Variants in STIM1 observed in about 807,000 individuals in gnomAD.
STIM1 encodes stromal interaction molecule 1.
Under a neutral mutation model 74.7 loss-of-function variants are expected in STIM1, and 25 were observed. The ratio of observed to expected loss-of-function variants is 0.33; its 90% CI spans 0.24 to 0.47. STIM1 has a LOEUF of 0.47. Among genes scored for constraint, STIM1 ranks in the 20% least tolerant of loss-of-function variants. The pLI is 1.00. For synonymous variants in STIM1, 328 were observed against 348.8 expected (o/e 0.94, Z 0.66); for missense variants, 728 against 920.8 (o/e 0.79, Z 2.71).
intron 7 of STIM1, among the ~76,000 whole-genome samples, chr11:4,075,010 G>A (rs1448229841): frequency 1.3e-5 from 2 of 151,952 alleles, no homozygotes; most frequent in African/African-American, 4.8e-5. Context: ...GTGTGGCGGC[G>A]GGCACCTGTA....
At chr11:3,972,383 A>C (rs12803459) in intron 2 of STIM1, among the ~76,000 whole-genome samples, 2 of 152,194 alleles carry the variant, frequency 1.3e-5, no homozygotes, top group Non-Finnish European at 2.9e-5. Context: ...CAGTACCTAG[A>C]TTCCTATATA....
At chr11:3,983,142 C>T (rs1311579981) in intron 2 of STIM1, among the ~76,000 whole-genome samples, 1 of 152,148 alleles carries the variant, frequency 6.6e-6, no homozygotes, top group Non-Finnish European at 1.5e-5. Flanking sequence ...CTGTGTTGGC[C>T]AGGCTGGTCT....
chr11:4,083,418 G>A lies in STIM1; in HGVS notation c.1394G>A (p.Arg465His), dbSNP rs375914426. Residue 465 changes from arginine (R) to histidine (H), a missense_variant, in exon 10 of 13, where the codon CGC becomes CAC. Around this residue, in one of 5 missense-constraint regions of STIM1, gnomAD observed 352 missense variants for 370.1 expected, o/e 0.95. Coordinates refer to ENST00000526596, the MANE Select transcript of STIM1 (RefSeq NM_001382567.1). ...NIDPSWMGST[R>H]PNPAHFIMTD... is the part of the protein sequence containing the mutation. ...GACCCCAGCTGGATGGGCAGTACAC[G>A]CCCCAACCCTGCTCACTTCATCATG... The A allele has an allele frequency of 2.0e-5, 32 of 1,614,092 alleles. No individual in the cohort carries two copies. Among genetic ancestry groups the A allele is most frequent in the East Asian group, 8.9e-5 (4 of 44,890 alleles).
chr11:3,947,100 G>GTTTTTTTTTTTTTTTTTTT (rs57701004), intron 1 of STIM1, among the ~76,000 whole-genome samples: 1 of 139,348 alleles, frequency 7.2e-6, no homozygotes, highest in Non-Finnish European at 1.6e-5. Flanking sequence ...CATTCTTAGT[G>GTTTTTTTTTTTTTTTTTTT]TTTTTTTTTT....
At chr11:3,950,394 A>G (rs1768109962) in intron 1 of STIM1, among the ~76,000 whole-genome samples, 1 of 152,110 alleles carries the variant, frequency 6.6e-6, no homozygotes, top group Admixed American at 6.5e-5. Flanking sequence ...GGCCTCCCAA[A>G]GTGCTGGGAT....
At chr11:3,892,277 C>T (rs964243669) in intron 1 of STIM1, 87 of 683,750 alleles carry the variant, frequency 1.3e-4, no homozygotes, top group Admixed American at 7.8e-4. Context: ...CCAAAGGGAA[C>T]TGCAGCAAGA....
At position 4,074,580 on chromosome 11, in the gene STIM1, C is replaced by T. The variant is rs1430816294; in HGVS notation, c.870C>T (p.Ile290=). 1.2e-6 allele frequency: 2 copies of T among 1,613,812 alleles called. No homozygotes were observed. The highest frequency in any genetic ancestry group is 1.7e-6 in the Non-Finnish European group (2 of 1,179,962). The change falls in exon 7 of 13, where the codon ATC becomes ATT. Residue 290 remains isoleucine, a synonymous_variant. Transcript: ENST00000526596. ...VHLEKKLRDE[I]NLAKQEAQRL... is the part of the protein sequence containing the mutation. Reference sequence around the variant, plus strand: ...TGGAAAAGAAGCTGCGCGATGAGATCAACCTTGCTAAGCAGGAAGCCCAGC... The same window carrying T: ...TGGAAAAGAAGCTGCGCGATGAGATTAACCTTGCTAAGCAGGAAGCCCAGC...
chr11:4,013,050 C>T (rs2093855032), intron 2 of STIM1, among the ~76,000 whole-genome samples: 1 of 152,146 alleles, frequency 6.6e-6, no homozygotes, highest in African/African-American at 2.4e-5. Context: ...TATGTTGAAC[C>T]AGCCTTGCAT....
intron 1 of STIM1, among the ~76,000 whole-genome samples, chr11:3,857,499 G>C (rs2090432192): frequency 6.6e-6 from 1 of 151,800 alleles, no homozygotes; most frequent in South Asian, 2.1e-4. Context: ...AAAGTGCTGG[G>C]ATTACAGGTG....
At chr11:4,009,458 C>T (rs747118794) in intron 2 of STIM1, among the ~76,000 whole-genome samples, 1 of 151,366 alleles carries the variant, frequency 6.6e-6, no homozygotes, top group East Asian at 1.9e-4. Context: ...ACTAAAAACA[C>T]AAAAATTAGC....
intron 6 of STIM1, among the ~76,000 whole-genome samples, chr11:4,072,918 C>T (rs1343198002): frequency 6.6e-6 from 1 of 152,154 alleles, no homozygotes; most frequent in African/African-American, 2.4e-5. Context: ...AACTCCCTTT[C>T]TCTTCAGGGA....
chr11:3,928,429 G>T (rs1395275791), intron 1 of STIM1, among the ~76,000 whole-genome samples: 2 of 152,104 alleles, frequency 1.3e-5, no homozygotes, highest in African/African-American at 4.8e-5. Flanking sequence ...GTTTCACCGT[G>T]TTGGCCAGGC....
At chr11:3,865,140 T>A (rs115860171) in intron 1 of STIM1, among the ~76,000 whole-genome samples, 1,626 of 152,326 alleles carry the variant, frequency 0.011, 22 homozygotes, top group African/African-American at 0.036. Flanking sequence ...CAATGACAGA[T>A]GAAAAACTTC....
intron 1 of STIM1, among the ~76,000 whole-genome samples, chr11:3,867,573 G>A (rs977608395): frequency 3.3e-5 from 5 of 152,244 alleles, no homozygotes; most frequent in Admixed American, 2.0e-4. Flanking sequence ...AGAGAGATAG[G>A]ATAGTCCTGT....
In STIM1 at chr11:4,086,581, C is replaced by T. The variant is rs200884178; in HGVS notation, c.1634+38C>T. ...CGAGGCTGGCCACTTCTTGACAAGC[C>T]GGGTATCTCTGCGGCGAATGCGCAG... On this transcript the variant is annotated intron_variant, in intron 12 of 12. Transcript: ENST00000526596. The T allele has an allele frequency of 5.6e-5, 91 of 1,613,342 alleles. 1 individual carries two copies. Among genetic ancestry groups the T allele is most frequent in the African/African-American group, 1.1e-4 (8 of 74,916 alleles).
chr11:3,906,212 T>C (rs565149376), intron 1 of STIM1, among the ~76,000 whole-genome samples: 1 of 152,374 alleles, frequency 6.6e-6, no homozygotes, highest in South Asian at 2.1e-4. Context: ...AGTGGTAGGC[T>C]TCTTCCTAAG....
chr11:4,089,644 G>C (rs1360089960), intron 12 of STIM1, among the ~76,000 whole-genome samples: 1 of 152,194 alleles, frequency 6.6e-6, no homozygotes, highest in Non-Finnish European at 1.5e-5. Context: ...AGTCCAGGAA[G>C]GTACTGGCCC....
intron 1 of STIM1, among the ~76,000 whole-genome samples, chr11:3,907,442 A>G (rs527326806): frequency 6.6e-6 from 1 of 152,204 alleles, no homozygotes; most frequent in Non-Finnish European, 1.5e-5. Flanking sequence ...ATCTGTCAGC[A>G]TATCCTGTCG....
intron 1 of STIM1, among the ~76,000 whole-genome samples, chr11:3,943,805 G>A (rs73427519): frequency 0.023 from 3,485 of 152,264 alleles, 119 homozygotes; most frequent in African/African-American, 0.075. Context: ...AAGGAACAAA[G>A]ACAACTTTCC....
Sources: gnomAD v4.1 joint callset for allele counts (sites outside exome capture counted in the v4.1 genomes callset) on GRCh38, gnomAD v4.1.1 for gene constraint, gnomAD v4.1.1 regional missense constraint, MANE v1.5 for transcripts, NCBI Gene and HGNC (gene_info 2026-07-23, HGNC 2026-07-21) for gene names.